Variants in CLEC1A observed in about 807,000 individuals in gnomAD.
The protein encoded by CLEC1A is C-type lectin domain family 1 member A.
A neutral mutation model predicts 28.7 loss-of-function variants in CLEC1A; 34 were observed. The observed-to-expected ratio is 1.18, with a 90% CI of 0.90 to 1.57. CLEC1A has a LOEUF of 1.57. CLEC1A is among the 40% of genes most tolerant of loss of function. The pLI is 0.00. For missense variants in CLEC1A, 385 were observed against 339.5 expected (o/e 1.13, Z -1.05); for synonymous variants, 116 against 121.0 (o/e 0.96, Z 0.27).
chr12:10,089,234 A>T lies in CLEC1A; in HGVS notation c.116-12T>A, dbSNP rs773723722. 3 of 1,610,028 alleles carry T rather than the reference A, an allele frequency of 1.9e-6. No homozygotes were observed. The highest frequency in any genetic ancestry group is 2.5e-6 in the Non-Finnish European group (3 of 1,176,634). On this transcript the variant is annotated splice_polypyrimidine_tract_variant and intron_variant, in intron 1 of 5. Transcript: ENST00000315330. ...GGGAGCCCTGTGCTCTGCAGGGAAC[A>T]GAAGAGAAAGCAGAGTTTGGCTTTT...
chr12:10,090,254 A>T (rs146304762), intron 1 of CLEC1A, among the ~76,000 whole-genome samples: 13 of 152,270 alleles, frequency 8.5e-5, no homozygotes, highest in African/African-American at 2.6e-4. Flanking sequence ...TCCTTCTAGC[A>T]AGGTCCTATA....
intron 1 of CLEC1A, chr12:10,092,452 TG>T: frequency 2.6e-6 from 1 of 387,258 alleles, no homozygotes; most frequent in South Asian, 1.8e-5. Context: ...AAGGCTGAGG[TG>T]GGAGGATTGC....
chr12:10,071,636 C>CTTA, intron 5 of CLEC1A, 123 bp from the exon 6 acceptor site: 1 of 780,432 alleles, frequency 1.3e-6, no homozygotes, highest in Non-Finnish European at 1.9e-6. Flanking sequence ...TACCGGGAAA[C>CTTA]TGGGGTCATG....
Position 10,075,722 on chromosome 12 carries a change from T to C in CLEC1A, c.392-67A>G, listed in dbSNP as rs1434986874. On this transcript the variant is annotated intron_variant, in intron 3 of 5. Coordinates refer to ENST00000315330, the MANE Select transcript of CLEC1A (RefSeq NM_016511.4). ...CTGTCTTGCTCCTCTCTTGAAATTA[T>C]ATAGTATTTGATGTCCTAAGAAAGA... The C allele has an allele frequency of 2.7e-5, 38 of 1,418,450 alleles. No individual in the cohort carries two copies. The South Asian group carries it at 3.2e-4, about 12-fold the overall frequency. The allele number at this position is 1,418,450 out of a possible 1,614,324, so 87.9% of individuals were successfully genotyped here.
At chr12:10,093,423 A>T in intron 1 of CLEC1A, among the ~76,000 whole-genome samples, 1 of 151,358 alleles carries the variant, frequency 6.6e-6, no homozygotes, top group South Asian at 2.2e-4. Flanking sequence ...ACCATACTAT[A>T]AAAGGCCTTA....
At chr12:10,087,204 C>CAAAAAA (rs59407880) in intron 2 of CLEC1A, among the ~76,000 whole-genome samples, 8 of 75,968 alleles carry the variant, frequency 1.1e-4, no homozygotes, top group South Asian at 5.6e-4. Flanking sequence ...GACTCCATCT[C>CAAAAAA]AAAAAAAAAA....
At chr12:10,083,073 C>G (rs933358492) in intron 2 of CLEC1A, among the ~76,000 whole-genome samples, 1 of 152,174 alleles carries the variant, frequency 6.6e-6, no homozygotes, top group African/African-American at 2.4e-5. Context: ...AGCCTGGAGC[C>G]TGGTAGCACC....
intron 4 of CLEC1A, among the ~76,000 whole-genome samples, chr12:10,074,224 G>T (rs1421840961): frequency 6.6e-6 from 1 of 152,016 alleles, no homozygotes; most frequent in African/African-American, 2.4e-5. Context: ...TAAATAATGA[G>T]TTTCTCAAGG....
At chr12:10,075,449 C>G (rs952308223) in intron 4 of CLEC1A, 55 bp downstream of exon 4, 149 of 1,580,618 alleles carry the variant, frequency 9.4e-5, no homozygotes, top group Non-Finnish European at 1.3e-4. Flanking sequence ...TTGCCTAATG[C>G]TTTTAAGGCC....
At chr12:10,083,057 AG>A (rs1565603321) in intron 2 of CLEC1A, among the ~76,000 whole-genome samples, 1 of 152,242 alleles carries the variant, frequency 6.6e-6, no homozygotes, top group Non-Finnish European at 1.5e-5. Flanking sequence ...GACATTCCCC[AG>A]CACCAGCCTG....
intron 1 of CLEC1A, among the ~76,000 whole-genome samples, chr12:10,096,372 G>A (rs951074848): frequency 6.6e-6 from 1 of 152,002 alleles, no homozygotes; most frequent in Non-Finnish European, 1.5e-5. Flanking sequence ...CCAACACCTC[G>A]ACATCTTTCA....
intron 1 of CLEC1A, among the ~76,000 whole-genome samples, chr12:10,090,429 T>G (rs1866591638): frequency 6.6e-6 from 1 of 152,088 alleles, no homozygotes; most frequent in South Asian, 2.1e-4. Flanking sequence ...TTTTTTTTCC[T>G]ATATTTTTGT....
At chr12:10,077,326 T>C (rs1269873292) in intron 3 of CLEC1A, among the ~76,000 whole-genome samples, 2 of 152,188 alleles carry the variant, frequency 1.3e-5, no homozygotes, top group Non-Finnish European at 2.9e-5. Context: ...CATATAGATA[T>C]AGGTACAGAC....
intron 1 of CLEC1A, among the ~76,000 whole-genome samples, chr12:10,092,017 A>G (rs1208559971): frequency 1.4e-5 from 1 of 69,742 alleles, no homozygotes; most frequent in Non-Finnish European, 6.4e-5. Flanking sequence ...GAATAGGTCC[A>G]TTATATACAA....
At chr12:10,093,169 T>TC (rs944572956) in intron 1 of CLEC1A, among the ~76,000 whole-genome samples, 2 of 152,106 alleles carry the variant, frequency 1.3e-5, no homozygotes, top group East Asian at 3.8e-4. Flanking sequence ...GAAGTCTCTC[T>TC]CCAGGGATCA....
intron 1 of CLEC1A, 106 bp from the exon 2 acceptor site, chr12:10,089,328 G>T: frequency 1.2e-6 from 1 of 859,624 alleles, no homozygotes; most frequent in Non-Finnish European, 1.9e-6. Context: ...AACAAATTAG[G>T]CTGGACAACG....
At chr12:10,073,516 C>T in intron 4 of CLEC1A, 105 bp from the exon 5 acceptor site, 1 of 761,494 alleles carries the variant, frequency 1.3e-6, no homozygotes, top group Middle Eastern at 2.5e-4. Flanking sequence ...CACACAAGTC[C>T]TGCTTCACAT....
At chr12:10,088,315 A>G (rs1443049306) in intron 2 of CLEC1A, among the ~76,000 whole-genome samples, 1 of 152,236 alleles carries the variant, frequency 6.6e-6, no homozygotes, top group African/African-American at 2.4e-5. Flanking sequence ...AAGGGCAACA[A>G]GAAGTTATTT....
Position 10,098,870 on chromosome 12 carries a change from G to A in CLEC1A, c.53C>T (p.Thr18Ile). The A allele has an allele frequency of 6.2e-7, 1 of 1,613,724 alleles. No homozygotes were observed. Among genetic ancestry groups the A allele is most frequent in the Non-Finnish European group, 8.5e-7 (1 of 1,179,872 alleles). ...TRDMLDDDGD[T>I]TMSLHSQGSA... ...GCCTTGAGAATGCAGGCTCATGGTG[G>A]TGTCCCCATCATCATCCAGCATGTC... The change falls in exon 1 of 6, where the codon ACC (threonine) becomes ATC (isoleucine). Residue 18 changes from threonine to isoleucine, a missense_variant. Thr to Ile is a moderately conservative substitution (Grantham distance 89). Coordinates refer to ENST00000315330, the MANE Select transcript of CLEC1A (RefSeq NM_016511.4).
Sources: allele counts gnomAD v4.1 joint callset (sites outside exome capture counted in the v4.1 genomes callset), GRCh38; gene constraint gnomAD v4.1.1; transcripts MANE v1.5; gene names NCBI Gene and HGNC (gene_info 2026-07-23, HGNC 2026-07-21).